Variants in FRMD5 observed in about 807,000 individuals in gnomAD.
FRMD5 encodes the protein FERM domain-containing protein 5.
Under a neutral mutation model 69.0 loss-of-function variants are expected in FRMD5, and 20 were observed. The ratio of observed to expected loss-of-function variants is 0.29; its 90% CI spans 0.20 to 0.42. FRMD5 has a LOEUF of 0.42. FRMD5 is among the 10% of genes least tolerant of loss of function. The probability of loss-of-function intolerance (pLI) is 1.00; values close to 1 mark genes in which losing one functional copy is unlikely to be tolerated. For synonymous variants in FRMD5, 271 were observed against 260.1 expected, an observed-to-expected ratio of 1.04 and a Z score of -0.40; for missense variants, 595 against 708.6, an observed-to-expected ratio of 0.84 and a Z score of 1.82.
intron 13 of FRMD5, among the ~76,000 whole-genome samples, chr15:43,882,728 G>T (rs1013682992): frequency 2.6e-4 from 39 of 152,120 alleles, no homozygotes; most frequent in African/African-American, 9.4e-4. Context: ...ACCAAGAAGT[G>T]AAAATTCTTG....
At chr15:44,188,880 G>A (rs1260360424) in intron 1 of FRMD5, among the ~76,000 whole-genome samples, 1 of 152,098 alleles carries the variant, frequency 6.6e-6, no homozygotes, top group East Asian at 1.9e-4. Context: ...GTGGTCCAGA[G>A]CACCTCTAAA....
At chr15:44,113,302 T>A (rs1483722795) in intron 1 of FRMD5, among the ~76,000 whole-genome samples, 1 of 152,372 alleles carries the variant, frequency 6.6e-6, no homozygotes, top group Non-Finnish European at 1.5e-5. Context: ...ACTGCCTGAT[T>A]CTACTGCTTA....
At chr15:44,079,821 C>G (rs1181096637) in intron 1 of FRMD5, among the ~76,000 whole-genome samples, 1 of 151,982 alleles carries the variant, frequency 6.6e-6, no homozygotes, top group South Asian at 2.1e-4. Flanking sequence ...GAAGGCAATT[C>G]TAACTCATGC....
chr15:43,943,004 G>A (rs1360200263), intron 1 of FRMD5, among the ~76,000 whole-genome samples: 1 of 152,202 alleles, frequency 6.6e-6, no homozygotes. Flanking sequence ...CACTTTGGGA[G>A]GCCGAGGTGG....
At chr15:44,021,481 A>G (rs923991802) in intron 1 of FRMD5, among the ~76,000 whole-genome samples, 5 of 152,196 alleles carry the variant, frequency 3.3e-5, no homozygotes, top group African/African-American at 1.2e-4. Flanking sequence ...ATTTTATTTT[A>G]AAAATAGGCA....
chr15:43,972,205 T>C (rs532723385), intron 1 of FRMD5, among the ~76,000 whole-genome samples: 10 of 151,962 alleles, frequency 6.6e-5, no homozygotes, highest in East Asian at 1.9e-4. Context: ...AGAGAGTTCA[T>C]AGAGCATGGA....
At chr15:44,197,744 G>C (rs544156091), upstream of FRMD5, among the ~76,000 whole-genome samples, 3 of 151,832 alleles carry the variant, frequency 2.0e-5, no homozygotes, top group South Asian at 6.3e-4. Flanking sequence ...TTTGTTGAAG[G>C]CAAAAGTTAC....
At chr15:44,010,706 C>G (rs529511089) in intron 1 of FRMD5, among the ~76,000 whole-genome samples, 1 of 152,182 alleles carries the variant, frequency 6.6e-6, no homozygotes, top group Non-Finnish European at 1.5e-5. Context: ...TTCTCTAAAC[C>G]AGACCTACAA....
chr15:43,906,791 C>G (rs687067), intron 5 of FRMD5, among the ~76,000 whole-genome samples: 1 of 118,258 alleles, frequency 8.5e-6, no homozygotes, highest in Non-Finnish European at 1.6e-5. Context: ...TTAGTAGAGA[C>G]GGGGTTTCAC....
intron 1 of FRMD5, among the ~76,000 whole-genome samples, chr15:44,053,009 T>C (rs918446641): frequency 3.3e-5 from 5 of 152,144 alleles, no homozygotes; most frequent in African/African-American, 1.2e-4. Context: ...CTGTGCTAAG[T>C]GTTACAAAGA....
chr15:44,121,672 A>G (rs975363792), intron 1 of FRMD5, among the ~76,000 whole-genome samples: 1 of 151,910 alleles, frequency 6.6e-6, no homozygotes, highest in Non-Finnish European at 1.5e-5. Flanking sequence ...CAAAAACAAA[A>G]ACAAAAAAAC....
intron 1 of FRMD5, among the ~76,000 whole-genome samples, chr15:43,998,864 T>C (rs960485487): frequency 1.3e-5 from 2 of 152,158 alleles, no homozygotes; most frequent in African/African-American, 4.8e-5. Context: ...CCTATTTCTA[T>C]CCAGCTGCTC....
At chr15:44,157,014 G>A (rs906214055) in intron 1 of FRMD5, among the ~76,000 whole-genome samples, 3 of 152,104 alleles carry the variant, frequency 2.0e-5, no homozygotes, top group Admixed American at 2.0e-4. Flanking sequence ...TCAGGGATGA[G>A]ACAAAGATCA....
Position 44,117,826 on chromosome 15 carries a change from T to C in FRMD5, c.102+77127A>G, listed in dbSNP as rs142565891. ...TCCTTTGTCCAAGATACTTATAACC[T>C]AAATTAAAATTAAAAGGAATTTCTA... is the stretch of plus-strand genomic sequence containing the variant. On this transcript the variant is annotated intron_variant, in intron 1 of 13. Coordinates refer to ENST00000417257, the MANE Select transcript of FRMD5 (RefSeq NM_032892.5). Among the ~76,000 whole-genome samples, 6 of 152,260 alleles carry C rather than the reference T, an allele frequency of 3.9e-5. No homozygotes were observed. The East Asian group carries it at 1.2e-3, about 29-fold the overall frequency.
At chr15:44,025,642 T>C (rs1194263891) in intron 1 of FRMD5, among the ~76,000 whole-genome samples, 2 of 152,170 alleles carry the variant, frequency 1.3e-5, no homozygotes, top group Admixed American at 1.3e-4. Context: ...TGCTGTTGAC[T>C]TTGGAATAAA....
At chr15:44,189,214 A>G (rs2078153179) in intron 1 of FRMD5, among the ~76,000 whole-genome samples, 1 of 152,226 alleles carries the variant, frequency 6.6e-6, no homozygotes, top group Non-Finnish European at 1.5e-5. Flanking sequence ...GAAAGTTGGT[A>G]AGACCACAAA....
intron 1 of FRMD5, among the ~76,000 whole-genome samples, chr15:44,189,617 C>T (rs2706479): frequency 0.45 from 68,462 of 151,444 alleles, 18,387 homozygotes; most frequent in Admixed American, 0.62. Flanking sequence ...GCCTCCCGAG[C>T]AGCTGGGATT....
At chr15:44,041,406 T>C (rs146194901) in intron 1 of FRMD5, among the ~76,000 whole-genome samples, 3 of 151,294 alleles carry the variant, frequency 2.0e-5, no homozygotes, top group East Asian at 1.9e-4. Flanking sequence ...AGCACCACAT[T>C]GCGCTTATTC....
chr15:43,976,881 A>G (rs1451533087), intron 1 of FRMD5, among the ~76,000 whole-genome samples: 1 of 149,836 alleles, frequency 6.7e-6, no homozygotes, highest in East Asian at 2.0e-4. Flanking sequence ...GCCAGGCTGG[A>G]GTGCAGTAGC....
Sources: allele counts gnomAD v4.1 joint callset (sites outside exome capture counted in the v4.1 genomes callset), GRCh38; gene constraint gnomAD v4.1.1; transcripts MANE v1.5; gene names NCBI Gene and HGNC (gene_info 2026-07-23, HGNC 2026-07-21).